Variants in CD8B2 observed in about 807,000 individuals in gnomAD.
The protein encoded by CD8B2 is CD8B family member 2.
A neutral mutation model predicts 23.7 loss-of-function variants in CD8B2; 11 were observed. That is an observed-to-expected ratio of 0.46 (90% CI 0.29 to 0.77). The LOEUF (loss-of-function observed/expected upper bound fraction) is 0.77. CD8B2 is among the 30% of genes least tolerant of loss of function. The pLI is 0.09. For missense variants in CD8B2, 197 were observed against 270.5 expected (o/e 0.73, Z 1.91); for synonymous variants, 90 against 109.3 (o/e 0.82, Z 1.10).
At chr2:106,493,587 C>T (rs1490662988) in intron 2 of CD8B2, among the ~76,000 whole-genome samples, 1 of 152,134 alleles carries the variant, frequency 6.6e-6, no homozygotes, top group Non-Finnish European at 1.5e-5. Flanking sequence ...GCAACACTCC[C>T]AGGAGAGGGC....
intron 5 of CD8B2, among the ~76,000 whole-genome samples, chr2:106,533,059 C>T (rs1479092329): frequency 1.3e-5 from 2 of 152,056 alleles, no homozygotes; most frequent in Non-Finnish European, 2.9e-5. Context: ...TAGTAATTGG[C>T]CCAAAATGAG....
At chr2:106,500,552 A>ATAAG (rs1294642524) in intron 3 of CD8B2, among the ~76,000 whole-genome samples, 1 of 136,992 alleles carries the variant, frequency 7.3e-6, no homozygotes, top group Non-Finnish European at 1.7e-5. Context: ...AAATAAATAA[A>ATAAG]TAAATAAATA....
At chr2:106,513,917 G>A (rs1232460067), downstream of CD8B2, among the ~76,000 whole-genome samples, 1 of 152,164 alleles carries the variant, frequency 6.6e-6, no homozygotes, top group Non-Finnish European at 1.5e-5. Context: ...TTCTGGTTTG[G>A]AAACAGGGAG....
At chr2:106,513,856 T>C (rs1679683311), downstream of CD8B2, among the ~76,000 whole-genome samples, 1 of 152,094 alleles carries the variant, frequency 6.6e-6, no homozygotes. Context: ...AGATGGAGTT[T>C]GGGTTGTCCC....
chr2:106,536,030 C>CTT (rs869103310), intron 5 of CD8B2, among the ~76,000 whole-genome samples: 57 of 123,876 alleles, frequency 4.6e-4, no homozygotes, highest in Middle Eastern at 4.4e-3. Flanking sequence ...GCCACACACA[C>CTT]TTTTTTTTTT....
intron 5 of CD8B2, among the ~76,000 whole-genome samples, chr2:106,529,855 G>A (rs910674459): frequency 6.6e-6 from 1 of 152,228 alleles, no homozygotes; most frequent in African/African-American, 2.4e-5. Flanking sequence ...AGGGCAAGCA[G>A]CGATGAGGTT....
At chr2:106,523,139 G>T (rs1679854798) in intron 5 of CD8B2, among the ~76,000 whole-genome samples, 1 of 152,178 alleles carries the variant, frequency 6.6e-6, no homozygotes, top group Non-Finnish European at 1.5e-5. Context: ...TCCTACCAGG[G>T]AGAAAAATTC....
intron 2 of CD8B2, among the ~76,000 whole-genome samples, chr2:106,493,177 G>A (rs182304561): frequency 6.6e-6 from 1 of 152,272 alleles, no homozygotes; most frequent in African/African-American, 2.4e-5. Flanking sequence ...GACCTTCTTC[G>A]GAGCCGAACC....
At chr2:106,511,251 G>A (rs190510869), downstream of CD8B2, among the ~76,000 whole-genome samples, 54 of 152,296 alleles carry the variant, frequency 3.5e-4, no homozygotes, top group African/African-American at 1.2e-3. Context: ...GACTTTGGGC[G>A]AGCTACATTT....
intron 5 of CD8B2, among the ~76,000 whole-genome samples, chr2:106,505,729 G>T (rs963298115): frequency 1.3e-4 from 20 of 152,250 alleles, no homozygotes; most frequent in African/African-American, 4.6e-4. Context: ...AATTTTCAAT[G>T]ATATTTTAAT....
At chr2:106,520,913 AAGAAAG>A (rs72400396) in intron 5 of CD8B2, among the ~76,000 whole-genome samples, 148,708 of 150,894 alleles carry the variant, frequency 0.99, 73,310 homozygotes, top group East Asian at 1. Flanking sequence ...AAATAGGCAA[AAGAAAG>A]AGAAAGGAGT....
At chr2:106,544,283 G>A (rs956999967) in exon 6 of CD8B2, 1 of 378,200 alleles carries the variant, frequency 2.6e-6, no homozygotes, top group African/African-American at 2.1e-5. Context: ...AGAAATAAAC[G>A]TCTTAATGAC....
intron 5 of CD8B2, among the ~76,000 whole-genome samples, chr2:106,525,968 G>T (rs765124204): frequency 4.6e-5 from 7 of 152,190 alleles, no homozygotes; most frequent in Non-Finnish European, 1.0e-4. Flanking sequence ...TTGGCCCGGC[G>T]TGGTGGCTTA....
intron 5 of CD8B2, among the ~76,000 whole-genome samples, chr2:106,536,671 C>T (rs1052859623): frequency 6.6e-6 from 1 of 152,116 alleles, no homozygotes; most frequent in African/African-American, 2.4e-5. Flanking sequence ...AGAGGGTAGG[C>T]GAGCTGCCAG....
Position 106,535,449 on chromosome 2 carries a change from T to G in CD8B2, c.621-8543T>G, listed in dbSNP as rs565212218. 6 of 140,132 alleles carry G rather than the reference T, an allele frequency of 4.3e-5. No individual in the cohort carries two copies. The South Asian group carries it at 1.3e-3, about 30-fold the overall frequency. 8.7% of individuals were successfully genotyped at this position (140,132 alleles called of 1,614,324 possible). A position where few individuals can be genotyped will look rare whatever the true frequency, so the allele number is the denominator to read the frequency against. ...GTCTACTATGCAAAGAAGGTCCTTG[T>G]GTAGGAAATTGAAGGTGTTTGCCCA... On this transcript the variant is annotated intron_variant, in intron 5 of 5. Transcript: ENST00000416057.
rs758459995 is a variant in CD8B2, at chr2:106,531,537, G to GC, written c.621-12454dup. On this transcript the variant is annotated intron_variant, in intron 5 of 5. Coordinates refer to the CD8B2 transcript ENST00000416057. ...GGGTCCTAGCCAGGATGCTGCCCCT[G>GC]CAGGGGGCCAGGATGATGTCCTGCA... Among the ~76,000 whole-genome samples, 4 of 152,296 alleles carry GC rather than the reference G, an allele frequency of 2.6e-5. No individual in the cohort carries two copies. The East Asian group carries it at 5.8e-4, about 22-fold the overall frequency.
At chr2:106,503,479 ACTCT>A (rs1679452597) in intron 4 of CD8B2, among the ~76,000 whole-genome samples, 1 of 152,204 alleles carries the variant, frequency 6.6e-6, no homozygotes, top group Non-Finnish European at 1.5e-5. Context: ...TGGTTTGCAA[ACTCT>A]CTCGATCAAG....
At chr2:106,541,940 A>AAG (rs1680180133) in intron 5 of CD8B2, among the ~76,000 whole-genome samples, 3 of 152,174 alleles carry the variant, frequency 2.0e-5, no homozygotes, top group African/African-American at 7.2e-5. Context: ...ATCCCATTGC[A>AAG]GTGTAAGCTA....
intron 4 of CD8B2, among the ~76,000 whole-genome samples, chr2:106,503,631 T>C (rs1244009780): frequency 6.6e-6 from 1 of 152,152 alleles, no homozygotes; most frequent in Non-Finnish European, 1.5e-5. Flanking sequence ...ATTTTATGTA[T>C]GTTATTAAAT....
Sources: allele counts gnomAD v4.1 joint callset (sites outside exome capture counted in the v4.1 genomes callset), GRCh38; gene constraint gnomAD v4.1.1; transcripts MANE v1.5; gene names NCBI Gene and HGNC (gene_info 2026-07-23, HGNC 2026-07-21).